The following SVIL variants were observed in gnomAD, a reference collection of about 807,000 sequenced individuals.
SVIL encodes the protein archvillin.
Under a neutral mutation model 240.4 loss-of-function variants are expected in SVIL, and 101 were observed. That is an observed-to-expected ratio of 0.42 (90% confidence interval 0.36 to 0.50). SVIL has a LOEUF of 0.50. Among genes scored for constraint, SVIL ranks in the 20% least tolerant of loss-of-function variants. SVIL has a pLI of 0.01. For missense variants in SVIL, 2,512 were observed against 2,818.7 expected (o/e 0.89, Z 2.46); for synonymous variants, 999 against 1,100.0 (o/e 0.91, Z 1.82).
chr10:29,703,756 A>G (rs961939267), intron 1 of SVIL, among the ~76,000 whole-genome samples: 4 of 152,190 alleles, frequency 2.6e-5, no homozygotes, highest in Admixed American at 6.5e-5. Flanking sequence ...GAAAGTTAAC[A>G]GTAAAGGCCA....
At chr10:29,631,426 G>T (rs1185384077) in intron 1 of SVIL, among the ~76,000 whole-genome samples, 1 of 151,014 alleles carries the variant, frequency 6.6e-6, no homozygotes, top group Non-Finnish European at 1.5e-5. Flanking sequence ...GGCAGATCAT[G>T]AGGTCAGGAT....
chr10:29,529,175 CAAAAAAAAAAAAAAA>C (rs66523560), intron 12 of SVIL, among the ~76,000 whole-genome samples: 2 of 66,070 alleles, frequency 3.0e-5, no homozygotes, highest in African/African-American at 5.7e-5. Context: ...GACTCTCTCT[CAAAAAAAAAAAAAAA>C]AAAAAAAAAA....
chr10:29,577,557 A>G lies in SVIL; in HGVS notation c.-200-8245T>C, dbSNP rs184852333. 1.4e-3 allele frequency among the ~76,000 whole-genome samples: 215 copies of G among 152,332 alleles called. 1 individual carries two copies. Among genetic ancestry groups the G allele is most frequent in the Non-Finnish European group, 7.5e-4 (51 of 68,032 alleles). On this transcript the variant is annotated intron_variant, in intron 1 of 37. Coordinates refer to ENST00000355867, the MANE Select transcript of SVIL (RefSeq NM_021738.3). ...GAGAAGTATTCCACAGTGTATATAT[A>G]CCACATTTTCTTTATCCACTTGTTG...
Position 29,465,622 on chromosome 10 carries a change from C to A in SVIL, c.6106G>T (p.Glu2036Ter), listed in dbSNP as rs1944821502. The A allele has an allele frequency of 1.2e-6, 2 of 1,613,930 alleles. No individual in the cohort carries two copies. Among genetic ancestry groups the A allele is most frequent in the Non-Finnish European group, 1.7e-6 (2 of 1,180,006 alleles). Reference protein sequence around the residue: ...SVVSSMPFLQEDLYSAPQPAL... With the variant: ...SVVSSMPFLQ ...GGCTGGGGCGCGCTGTACAGATCTT[C>A]CTGCAGGAAGGGCATGGAACTGACC... Residue 2036 changes from glutamate (E) to a stop codon, truncating the protein, a stop_gained, in exon 34 of 38, where the codon GAA (glutamate) becomes TAA (stop). Coordinates refer to ENST00000355867, the MANE Select transcript of SVIL (RefSeq NM_021738.3). LOFTEE classifies it high-confidence loss of function.
At chr10:29,651,999 T>C (rs1958852566) in intron 3 of SVIL, among the ~76,000 whole-genome samples, 1 of 149,212 alleles carries the variant, frequency 6.7e-6, no homozygotes, top group Admixed American at 6.7e-5. Context: ...CCGTCCAATA[T>C]ATGTAAGACA....
intron 16 of SVIL, 77 bp from the exon 17 acceptor site, chr10:29,512,938 A>G: frequency 6.5e-7 from 1 of 1,545,742 alleles, no homozygotes; most frequent in Non-Finnish European, 8.7e-7. Flanking sequence ...TCTAGGTAAG[A>G]GAGGCGGCTT....
intron 1 of SVIL, among the ~76,000 whole-genome samples, chr10:29,592,333 T>G (rs1956422883): frequency 6.6e-6 from 1 of 152,214 alleles, no homozygotes; most frequent in Non-Finnish European, 1.5e-5. Flanking sequence ...ATTTGCATAT[T>G]CTATTTTCCA....
chr10:29,523,014 G>A (rs1950662046), intron 15 of SVIL, among the ~76,000 whole-genome samples: 1 of 152,212 alleles, frequency 6.6e-6, no homozygotes, highest in South Asian at 2.1e-4. Context: ...AACGTAGAAA[G>A]AGGATGAAGG....
chr10:29,501,320 C>A (rs956607299), intron 17 of SVIL, among the ~76,000 whole-genome samples: 1 of 150,856 alleles, frequency 6.6e-6, no homozygotes, highest in Non-Finnish European at 1.5e-5. Flanking sequence ...TGTGGTTATG[C>A]GAGGAAATAT....
At chr10:29,551,588 CT>C in intron 5 of SVIL, among the ~76,000 whole-genome samples, 1 of 152,270 alleles carries the variant, frequency 6.6e-6, no homozygotes, top group South Asian at 2.1e-4. Context: ...CTGATTTACC[CT>C]TTTTTGTGGA....
Position 29,555,032 on chromosome 10 carries a change from C to G in SVIL, c.8+19G>C. 1 of 1,613,070 alleles carries G rather than the reference C, an allele frequency of 6.2e-7. No individual in the cohort carries two copies. Among genetic ancestry groups the G allele is most frequent in the South Asian group, 1.1e-5 (1 of 90,952 alleles). ...CCAAGCTCTCTTCTACTTCCTAACT[C>G]CCACTATAAAGATCTTACCTTTTCA... On this transcript the variant is annotated intron_variant, in intron 4 of 37. Coordinates refer to ENST00000355867, the MANE Select transcript of SVIL (RefSeq NM_021738.3).
At chr10:29,692,050 C>G (rs1961550300) in intron 1 of SVIL, among the ~76,000 whole-genome samples, 1 of 152,192 alleles carries the variant, frequency 6.6e-6, no homozygotes, top group African/African-American at 2.4e-5. Context: ...AAGACACTGT[C>G]AACCTCAGTG....
chr10:29,522,327 GC>G, intron 16 of SVIL, 82 bp downstream of exon 16: 1 of 1,269,486 alleles, frequency 7.9e-7, no homozygotes, highest in Admixed American at 1.9e-5. Flanking sequence ...TCATCTCTTT[GC>G]CCATCACCGA....
chr10:29,674,574 A>G (rs972009020), intron 2 of SVIL, among the ~76,000 whole-genome samples: 1 of 152,196 alleles, frequency 6.6e-6, no homozygotes, highest in African/African-American at 2.4e-5. Context: ...TATTCCACAA[A>G]TAAATAAGAA....
intron 4 of SVIL, 43 bp downstream of exon 4, chr10:29,555,008 C>T: frequency 6.2e-7 from 1 of 1,612,072 alleles, no homozygotes; most frequent in South Asian, 1.1e-5. Context: ...ACTGCTTTGC[C>T]AAGCTCTCTT....
At chr10:29,573,361 TG>T (rs1485461110) in intron 1 of SVIL, among the ~76,000 whole-genome samples, 1 of 152,150 alleles carries the variant, frequency 6.6e-6, no homozygotes, top group Non-Finnish European at 1.5e-5. Context: ...ACATAGTTGT[TG>T]AAAGGAAAAA....
chr10:29,473,867 C>T lies in SVIL; in HGVS notation c.5500G>A (p.Val1834Met). 1 of 1,614,040 alleles carries T rather than the reference C, an allele frequency of 6.2e-7. No individual in the cohort carries two copies. The highest frequency in any genetic ancestry group is 8.5e-7 in the Non-Finnish European group (1 of 1,180,010). Reference protein sequence around the residue: ...SEKGTSALMTVELDEERGAQV... With the variant: ...SEKGTSALMTMELDEERGAQV... ...GCCCCCCTTTCCTCGTCCAGCTCCA[C>T]CGTCATCAGCGCCGACGTGCCCTTC... Residue 1834 changes from valine to methionine, a missense_variant, in exon 30 of 38, where the codon GTG becomes ATG. Val to Met is a conservative substitution (Grantham distance 21). Transcript: ENST00000355867.
intron 6 of SVIL, among the ~76,000 whole-genome samples, chr10:29,544,210 T>C (rs1005865691): frequency 3.9e-5 from 6 of 152,202 alleles, no homozygotes; most frequent in African/African-American, 1.4e-4. Flanking sequence ...ATATAACAGC[T>C]TCTAATTATA....
chr10:29,678,889 T>C (rs1203155682), intron 2 of SVIL, among the ~76,000 whole-genome samples: 1 of 152,176 alleles, frequency 6.6e-6, no homozygotes, highest in Non-Finnish European at 1.5e-5. Flanking sequence ...GGTTTGCTTG[T>C]AGCAGCCTGT....
Sources: allele counts gnomAD v4.1 joint callset (sites outside exome capture counted in the v4.1 genomes callset), GRCh38; gene constraint gnomAD v4.1.1; transcripts MANE v1.5; gene names NCBI Gene and HGNC (gene_info 2026-07-23, HGNC 2026-07-21).